Variants in MIA3 observed in about 807,000 individuals in gnomAD.
MIA3 encodes the protein MIA SH3 domain ER export factor 3.
Under a neutral mutation model 192.4 loss-of-function variants are expected in MIA3, and 90 were observed. That is an observed-to-expected ratio of 0.47 (90% CI 0.39 to 0.56). The LOEUF (loss-of-function observed/expected upper bound fraction) is 0.56. MIA3 is among the 20% of genes least tolerant of loss of function. The pLI is 0.00. For synonymous variants in MIA3, 740 were observed against 792.8 expected (o/e 0.93, Z 1.12); for missense variants, 2,123 against 2,269.4 (o/e 0.94, Z 1.31).
In MIA3 at chr1:222,633,238, TTAAC is replaced by T. The variant is rs1481690714; in HGVS notation, c.3470_3473del (p.Thr1157SerfsTer3). On this transcript the variant is annotated frameshift_variant, in exon 6 of 28. Coordinates refer to ENST00000344922, the MANE Select transcript of MIA3 (RefSeq NM_198551.4). LOFTEE classifies it high-confidence loss of function. ...TCTAATATATTCATTCATGTTTTAT[TTAAC>T]TAAGTCGGTAAGTTTAACATAGTTT... The T allele has an allele frequency of 3.1e-6, 5 of 1,604,446 alleles. No homozygotes were observed. The highest frequency in any genetic ancestry group is 4.2e-6 in the Non-Finnish European group (5 of 1,176,854).
intron 26 of MIA3, chr1:222,663,124 A>G (rs1220167916): frequency 4.6e-5 from 7 of 152,198 alleles, no homozygotes; most frequent in African/African-American, 1.7e-4. Context: ...TTCCCATAGG[A>G]AGTGATTAAT....
Position 222,629,791 on chromosome 1 carries a change from C to A in MIA3, c.2571C>A (p.Asn857Lys), listed in dbSNP as rs780468588. 2 of 1,614,134 alleles carry A rather than the reference C, an allele frequency of 1.2e-6. No individual in the cohort carries two copies. Among genetic ancestry groups the A allele is most frequent in the Non-Finnish European group, 1.7e-6 (2 of 1,180,024 alleles). Residue 857 changes from asparagine (N) to lysine (K), a missense_variant, in exon 4 of 28, where the codon AAC (asparagine) becomes AAA (lysine). This residue lies in a region of MIA3 where 1,357 missense variants were observed against 1,396.1 expected (regional missense o/e 0.97). Coordinates refer to ENST00000344922, the MANE Select transcript of MIA3 (RefSeq NM_198551.4). ...ATTCTGATTATCTGAAGAACGACAACCCTGAGGAACATCTGAAGACCTCAG... is the reference window on the plus strand; with the variant it reads ...ATTCTGATTATCTGAAGAACGACAAACCTGAGGAACATCTGAAGACCTCAG... ...NKDSDYLKND[N>K]PEEHLKTSGL...
chr1:222,648,532 GT>G (rs1342601559), intron 7 of MIA3, among the ~76,000 whole-genome samples: 3 of 152,124 alleles, frequency 2.0e-5, no homozygotes, highest in African/African-American at 7.2e-5. Flanking sequence ...TGTTATTCAA[GT>G]TAAGTGCTCA....
At chr1:222,625,522 C>G (rs1468670116) in intron 3 of MIA3, among the ~76,000 whole-genome samples, 2 of 152,138 alleles carry the variant, frequency 1.3e-5, no homozygotes, top group Non-Finnish European at 2.9e-5. Context: ...TTATACTGAG[C>G]CAGAAATGCA....
At chr1:222,638,755 A>G (rs148520847) in intron 6 of MIA3, among the ~76,000 whole-genome samples, 6 of 152,278 alleles carry the variant, frequency 3.9e-5, no homozygotes, top group African/African-American at 9.6e-5. Flanking sequence ...AGTGTGTACA[A>G]TGTCGCCAAA....
At chr1:222,661,801 T>C (rs1287369077) in intron 24 of MIA3, among the ~76,000 whole-genome samples, 1 of 152,208 alleles carries the variant, frequency 6.6e-6, no homozygotes, top group Non-Finnish European at 1.5e-5. Flanking sequence ...TGTAGAATAC[T>C]GTACATGTAA....
chr1:222,628,353 A>G lies in MIA3; in HGVS notation c.1133A>G (p.Asn378Ser). Residue 378 changes from asparagine to serine, a missense_variant, in exon 4 of 28, where the codon AAT becomes AGT. Around this residue, in one of 3 missense-constraint regions of MIA3, gnomAD observed 1,357 missense variants for 1,396.1 expected, o/e 0.97. Coordinates refer to ENST00000344922, the MANE Select transcript of MIA3 (RefSeq NM_198551.4). The stretch of plus-strand genomic sequence containing the variant: ...CCTGGCATCAAAAATGATGATAAAA[A>G]TATACTAACAACCTGGGGGGACACT... ...VPPGIKNDDK[N>S]ILTTWGDTIF... The G allele has an allele frequency of 1.2e-6, 2 of 1,613,798 alleles. No individual in the cohort carries two copies. The highest frequency in any genetic ancestry group is 1.7e-6 in the Non-Finnish European group (2 of 1,179,944).
At position 222,662,198 on chromosome 1, in the gene MIA3, C is replaced by T. The variant is rs924001680; in HGVS notation, c.5183-55C>T. ...GGAGAGGATTTTTTTTTTAATCCTC[C>T]TCACAGAGTACACAAGTCAGAATAA... On this transcript the variant is annotated intron_variant, in intron 25 of 27. Coordinates refer to ENST00000344922, the MANE Select transcript of MIA3 (RefSeq NM_198551.4). 1.1e-5 allele frequency: 18 copies of T among 1,592,690 alleles called. No homozygotes were observed. The African/African-American group carries it at 1.5e-4, about 13-fold the overall frequency.
intron 6 of MIA3, among the ~76,000 whole-genome samples, chr1:222,635,371 T>C (rs1177768366): frequency 2.0e-5 from 3 of 152,188 alleles, no homozygotes; most frequent in Admixed American, 1.3e-4. Context: ...ATACGATCTG[T>C]GATCAGGGGA....
At position 222,621,302 on chromosome 1, in the gene MIA3, A is replaced by G. The variant is rs574699121; in HGVS notation, c.267+10A>G. ...AGTTTGGGCTGGAAGTGTAAGTAAA[A>G]TATCGACATACTTTATTTGCTTAAT... On this transcript the variant is annotated intron_variant, in intron 2 of 27. Coordinates refer to ENST00000344922, the MANE Select transcript of MIA3 (RefSeq NM_198551.4). 7.2e-5 allele frequency: 115 copies of G among 1,601,240 alleles called. 1 individual carries two copies. The South Asian group carries it at 1.2e-3, about 17-fold the overall frequency.
rs1030154212 is a variant in MIA3, at chr1:222,667,185, ACT to A, written c.*1569_*1570del. On this transcript the variant is annotated 3_prime_UTR_variant, in exon 28 of 28. Coordinates refer to ENST00000344922, the MANE Select transcript of MIA3 (RefSeq NM_198551.4). ...AGATAAGGACCTTTGAAAGAAGACA[ACT>A]CTGTCAAAGTTCATAAGGAATATAA... The A allele has an allele frequency of 3.9e-4, 59 of 152,316 alleles. No individual in the cohort carries two copies. Among genetic ancestry groups the A allele is most frequent in the African/African-American group, 1.4e-3 (58 of 41,588 alleles). 9.4% of individuals were successfully genotyped at this position (152,316 alleles called of 1,614,324 possible).
chr1:222,633,853 CTTTTTT>C (rs1005939476), intron 6 of MIA3, among the ~76,000 whole-genome samples: 2 of 148,316 alleles, frequency 1.3e-5, no homozygotes, highest in Non-Finnish European at 1.5e-5. Flanking sequence ...TTTTCTTTTT[CTTTTTT>C]TTTTAAATTG....
chr1:222,654,559 G>T (rs1558193242), intron 17 of MIA3, 80 bp downstream of exon 17: 1 of 1,553,090 alleles, frequency 6.4e-7, no homozygotes, highest in Non-Finnish European at 8.8e-7. Flanking sequence ...GCGGCTTCCT[G>T]CTTTCATACT....
At chr1:222,650,190 T>G in intron 8 of MIA3, 102 bp from the exon 9 acceptor site, 1 of 746,290 alleles carries the variant, frequency 1.3e-6, no homozygotes, top group Non-Finnish European at 2.4e-6. Flanking sequence ...AGAAGTTATT[T>G]TTTGTCATAG....
chr1:222,647,950 A>G (rs1439335370), intron 7 of MIA3: 1 of 369,910 alleles, frequency 2.7e-6, no homozygotes, highest in Non-Finnish European at 5.7e-6. Flanking sequence ...AATACAGTAT[A>G]TTATGTAAAC....
At position 222,628,454 on chromosome 1, in the gene MIA3, A is replaced by G. The variant is rs1430520779; in HGVS notation, c.1234A>G (p.Lys412Glu). ...AGAGAGCTCTAGTTCAGAGGAAGAAAAAGAAGATGATGATGATGCATTAGT... is the reference window on the plus strand; with the variant it reads ...AGAGAGCTCTAGTTCAGAGGAAGAAGAAGAAGATGATGATGATGCATTAGT... The part of the protein sequence containing the change: ...DLESSSSEEE[K>E]EDDDDALVPD... Residue 412 changes from lysine to glutamate, a missense_variant, in exon 4 of 28, where the codon AAA becomes GAA. Around this residue, in one of 3 missense-constraint regions of MIA3, gnomAD observed 1,357 missense variants for 1,396.1 expected, o/e 0.97. Coordinates refer to ENST00000344922, the MANE Select transcript of MIA3 (RefSeq NM_198551.4). The G allele has an allele frequency of 2.5e-6, 4 of 1,612,476 alleles. No homozygotes were observed. Among genetic ancestry groups the G allele is most frequent in the African/African-American group, 2.7e-5 (2 of 74,690 alleles).
intron 4 of MIA3, among the ~76,000 whole-genome samples, chr1:222,630,805 C>T (rs1662364902): frequency 6.6e-6 from 1 of 152,210 alleles, no homozygotes; most frequent in Non-Finnish European, 1.5e-5. Flanking sequence ...TTCCTACGTT[C>T]TCCCCAATTT....
chr1:222,629,765 G>T lies in MIA3; in HGVS notation c.2545G>T (p.Asp849Tyr). ...PELGEVFQNK[D>Y]SDYLKNDNPE... ...ATTAGGTGAAGTGTTTCAGAATAAA[G>T]ATTCTGATTATCTGAAGAACGACAA... The change falls in exon 4 of 28, where the codon GAT (aspartate) becomes TAT (tyrosine). Residue 849 changes from aspartate (D) to tyrosine (Y), a missense_variant. By Grantham distance (160) the Asp-to-Tyr change is radical (BLOSUM62 -3). Around this residue, in one of 3 missense-constraint regions of MIA3, gnomAD observed 1,357 missense variants for 1,396.1 expected, o/e 0.97. Transcript: ENST00000344922. The T allele has an allele frequency of 6.2e-7, 1 of 1,614,144 alleles. No homozygotes were observed. The highest frequency in any genetic ancestry group is 8.5e-7 in the Non-Finnish European group (1 of 1,180,016).
intron 1 of MIA3, among the ~76,000 whole-genome samples, chr1:222,619,779 G>A (rs1339667698): frequency 6.6e-6 from 1 of 152,206 alleles, no homozygotes; most frequent in Non-Finnish European, 1.5e-5. Context: ...GAAATGGTAC[G>A]TGTTCAGAGG....
Sources: allele counts gnomAD v4.1 joint callset (sites outside exome capture counted in the v4.1 genomes callset), GRCh38; gene constraint gnomAD v4.1.1; regional missense constraint gnomAD v4.1.1; transcripts MANE v1.5; gene names NCBI Gene and HGNC (gene_info 2026-07-23, HGNC 2026-07-21).